Variants in MEGF6 observed in about 807,000 individuals in gnomAD.
MEGF6 encodes the protein multiple epidermal growth factor-like domains protein 6.
MEGF6 carries 184 observed loss-of-function variants against 207.1 expected under a neutral mutation model. The ratio of observed to expected loss-of-function variants is 0.89; its 90% CI spans 0.79 to 1.00. The LOEUF (loss-of-function observed/expected upper bound fraction) is 1.00, where lower values mean the gene tolerates loss of function less well. Ranked by LOEUF, MEGF6 falls within the 50% of genes least tolerant of loss-of-function variation. The probability of loss-of-function intolerance (pLI) is 0.00; values close to 1 mark genes in which losing one functional copy is unlikely to be tolerated. For synonymous variants in MEGF6, 1,038 were observed against 910.0 expected, an observed-to-expected ratio of 1.14 and a Z score of -2.53; for missense variants, 2,282 against 2,202.9, an observed-to-expected ratio of 1.04 and a Z score of -0.72.
intron 7 of MEGF6, among the ~76,000 whole-genome samples, chr1:3,513,478 A>G (rs1283290407): frequency 7.1e-6 from 1 of 140,456 alleles, no homozygotes; most frequent in African/African-American, 2.7e-5. Flanking sequence ...GGATCTCGCT[A>G]TGTTGCCCAG....
At chr1:3,510,018 G>A (rs1391934841) in intron 10 of MEGF6, 26 bp from the exon 11 acceptor site, 8 of 1,574,742 alleles carry the variant, frequency 5.1e-6, no homozygotes, top group Admixed American at 3.6e-5. Flanking sequence ...GACCACTGAG[G>A]CCTGTGCTCC....
intron 4 of MEGF6, among the ~76,000 whole-genome samples, chr1:3,528,609 T>C (rs751871872): frequency 3.3e-5 from 5 of 151,952 alleles, no homozygotes; most frequent in Non-Finnish European, 7.4e-5. Flanking sequence ...ACAGGGTCCT[T>C]ATAAGAGGGA....
chr1:3,492,813 C>A, intron 34 of MEGF6, 46 bp from the exon 35 acceptor site: 4 of 1,586,088 alleles, frequency 2.5e-6, no homozygotes, highest in Non-Finnish European at 2.6e-6. Flanking sequence ...ATCATCCTTG[C>A]CTTCCCCGCG....
chr1:3,501,486 T>C (rs1310086605), intron 18 of MEGF6, among the ~76,000 whole-genome samples, 178 bp from the exon 19 acceptor site: 1 of 150,858 alleles, frequency 6.6e-6, no homozygotes, highest in Non-Finnish European at 1.5e-5. Context: ...GGCTGCGGGG[T>C]GCGCACCCAC....
intron 7 of MEGF6, among the ~76,000 whole-genome samples, chr1:3,513,688 T>G (rs1328409018): frequency 6.8e-6 from 1 of 146,066 alleles, no homozygotes; most frequent in Non-Finnish European, 1.5e-5. Context: ...CCTCCTGGGC[T>G]CAAGTGATCT....
chr1:3,501,589 C>G (rs1243126500), intron 18 of MEGF6, among the ~76,000 whole-genome samples: 1 of 152,098 alleles, frequency 6.6e-6, no homozygotes, highest in East Asian at 1.9e-4. Context: ...AGGGAGCAGC[C>G]CGAGAGGGCA....
chr1:3,566,963 C>G (rs1643359371), intron 4 of MEGF6, among the ~76,000 whole-genome samples: 2 of 152,236 alleles, frequency 1.3e-5, no homozygotes, highest in Non-Finnish European at 2.9e-5. Context: ...CTCACTACCA[C>G]ACCTGTTTTC....
intron 3 of MEGF6, among the ~76,000 whole-genome samples, chr1:3,583,305 C>T (rs1643845653): frequency 3.3e-5 from 5 of 150,716 alleles, no homozygotes; most frequent in East Asian, 1.9e-4. Context: ...CCAGACAACG[C>T]GCAGCCACCA....
intron 21 of MEGF6, 91 bp from the exon 22 acceptor site, chr1:3,500,015 G>A: frequency 1.4e-6 from 2 of 1,447,106 alleles, no homozygotes; most frequent in Middle Eastern, 2.5e-4. Flanking sequence ...CCAGGACTGT[G>A]GGACAGGCCT....
At chr1:3,494,856 T>C (rs1640535551) in intron 30 of MEGF6, 115 bp from the exon 31 acceptor site, 12 of 1,389,738 alleles carry the variant, frequency 8.6e-6, no homozygotes, top group Non-Finnish European at 1.1e-5. Context: ...GGCCCATCAG[T>C]GCCAGTCTCT....
intron 28 of MEGF6, 24 bp from the exon 29 acceptor site, chr1:3,496,807 A>AGGGGCT: frequency 6.5e-7 from 1 of 1,549,464 alleles, no homozygotes; most frequent in Non-Finnish European, 8.7e-7. Flanking sequence ...GGCTAGCTGC[A>AGGGGCT]GGGGCTGGGG....
At chr1:3,516,819 G>C (rs1641558352) in intron 5 of MEGF6, among the ~76,000 whole-genome samples, 1 of 152,200 alleles carries the variant, frequency 6.6e-6, no homozygotes. Context: ...TCCCCTCCTG[G>C]GGCAGAGCCA....
chr1:3,506,055 C>G, intron 15 of MEGF6, 53 bp downstream of exon 15: 2 of 1,533,966 alleles, frequency 1.3e-6, no homozygotes, highest in Middle Eastern at 1.7e-4. Context: ...CATGGACCAT[C>G]CCTTCCACCC....
intron 4 of MEGF6, among the ~76,000 whole-genome samples, chr1:3,575,798 G>C (rs1246082005): frequency 6.6e-6 from 1 of 152,126 alleles, no homozygotes; most frequent in Admixed American, 6.6e-5. Flanking sequence ...ATGACACGTG[G>C]GAATTATGGG....
intron 4 of MEGF6, among the ~76,000 whole-genome samples, chr1:3,558,507 C>T (rs1317556247): frequency 1.3e-5 from 2 of 152,082 alleles, no homozygotes; most frequent in Non-Finnish European, 2.9e-5. Flanking sequence ...GTAAATCAAC[C>T]CTACCCCCTT....
At chr1:3,593,681 G>C (rs1467064012) in intron 3 of MEGF6, among the ~76,000 whole-genome samples, 1 of 151,856 alleles carries the variant, frequency 6.6e-6, no homozygotes, top group Non-Finnish European at 1.5e-5. Context: ...TGGAAACCCG[G>C]GGGAGCCTTG....
At chr1:3,536,046 A>T (rs1570083442) in intron 4 of MEGF6, among the ~76,000 whole-genome samples, 1 of 152,124 alleles carries the variant, frequency 6.6e-6, no homozygotes, top group South Asian at 2.1e-4. Flanking sequence ...CCGGCTTCGC[A>T]CCCTGGCTCT....
chr1:3,531,606 G>A (rs1642176924), intron 4 of MEGF6, among the ~76,000 whole-genome samples: 1 of 151,752 alleles, frequency 6.6e-6, no homozygotes, highest in African/African-American at 2.4e-5. Flanking sequence ...CCCGGACGCA[G>A]ATAGGGACCT....
chr1:3,508,754 C>T lies in MEGF6; in HGVS notation c.1529-65G>A, dbSNP rs543987364. On this transcript the variant is annotated intron_variant, in intron 12 of 36. Transcript: ENST00000356575. ...CCTGGCCTCAGCAGGCACAGAGGCCCGGCTCAGACCCTCAGGCCAGGGAAG... is the reference window on the plus strand; with the variant it reads ...CCTGGCCTCAGCAGGCACAGAGGCCTGGCTCAGACCCTCAGGCCAGGGAAG... The T allele has an allele frequency of 1.5e-4, 242 of 1,575,506 alleles. No homozygotes were observed. In the Middle Eastern group the frequency reaches 1.7e-3, roughly 11 times the overall value.
Sources: allele counts gnomAD v4.1 joint callset (sites outside exome capture counted in the v4.1 genomes callset), GRCh38; gene constraint gnomAD v4.1.1; transcripts MANE v1.5; gene names NCBI Gene and HGNC (gene_info 2026-07-23, HGNC 2026-07-21).